ADAMTS19: variants seen among roughly 807,000 people sequenced by gnomAD.
The protein encoded by ADAMTS19 is A disintegrin and metalloproteinase with thrombospondin motifs 19.
In ADAMTS19, 93 loss-of-function variants were observed where a neutral mutation model predicts 153.3. That is an observed-to-expected ratio of 0.61 (90% confidence interval 0.51 to 0.72). The LOEUF (loss-of-function observed/expected upper bound fraction) is 0.72, where lower values mean the gene tolerates loss of function less well. Among genes scored for constraint, ADAMTS19 ranks in the 30% least tolerant of loss-of-function variants. The pLI, the probability that ADAMTS19 is intolerant of heterozygous loss-of-function variation, is 0.00. For missense variants in ADAMTS19, 1,482 were observed against 1,552.1 expected, an observed-to-expected ratio of 0.95 and a Z score of 0.76; for synonymous variants, 600 against 556.6, an observed-to-expected ratio of 1.08 and a Z score of -1.10.
intron 2 of ADAMTS19, among the ~76,000 whole-genome samples, chr5:129,488,279 T>C (rs950221180): frequency 6.6e-5 from 10 of 152,096 alleles, no homozygotes; most frequent in Non-Finnish European, 8.8e-5. Context: ...ACATATGTCA[T>C]TTCATTTCAC....
At chr5:129,719,089 C>T (rs970531647) in intron 21 of ADAMTS19, among the ~76,000 whole-genome samples, 59 of 151,208 alleles carry the variant, frequency 3.9e-4, no homozygotes, top group African/African-American at 1.3e-3. Flanking sequence ...GTTTTTTTTT[C>T]CTTTAAGAAT....
chr5:129,513,190 A>C (rs1751494473), intron 3 of ADAMTS19, among the ~76,000 whole-genome samples: 1 of 150,358 alleles, frequency 6.7e-6, no homozygotes, highest in Non-Finnish European at 1.5e-5. Context: ...CAACCAAAAC[A>C]CAAGTAACAA....
chr5:129,588,730 G>T (rs544412410), intron 7 of ADAMTS19, among the ~76,000 whole-genome samples: 1 of 151,522 alleles, frequency 6.6e-6, no homozygotes, highest in Non-Finnish European at 1.5e-5. Context: ...CTCTTTGGGG[G>T]TTATTTTATT....
chr5:129,662,187 T>C (rs1251694345), intron 15 of ADAMTS19, among the ~76,000 whole-genome samples: 2 of 152,254 alleles, frequency 1.3e-5, no homozygotes, highest in East Asian at 1.9e-4. Context: ...TACTTCGCTG[T>C]TGCCATGAAG....
intron 7 of ADAMTS19, among the ~76,000 whole-genome samples, chr5:129,565,701 G>A (rs1753680902): frequency 6.6e-6 from 1 of 151,942 alleles, no homozygotes; most frequent in South Asian, 2.1e-4. Flanking sequence ...CTTTTATACT[G>A]AGCCAACATT....
intron 7 of ADAMTS19, among the ~76,000 whole-genome samples, chr5:129,554,866 C>G (rs981560092): frequency 6.6e-6 from 1 of 152,056 alleles, no homozygotes; most frequent in African/African-American, 2.4e-5. Flanking sequence ...TGCTCTGTGA[C>G]TTGTTAAAAA....
chr5:129,464,646 A>C (rs903541104), intron 2 of ADAMTS19, among the ~76,000 whole-genome samples: 2 of 152,176 alleles, frequency 1.3e-5, no homozygotes, highest in African/African-American at 4.8e-5. Context: ...TCCAGGTACT[A>C]CTCTAACTTG....
At chr5:129,671,678 G>T (rs906135656) in intron 16 of ADAMTS19, among the ~76,000 whole-genome samples, 3 of 151,514 alleles carry the variant, frequency 2.0e-5, no homozygotes, top group African/African-American at 2.4e-5. Flanking sequence ...TCTTTAAACT[G>T]TATTCTTAAT....
At chr5:129,546,711 T>C (rs1311426177) in intron 6 of ADAMTS19, among the ~76,000 whole-genome samples, 1 of 151,166 alleles carries the variant, frequency 6.6e-6, no homozygotes, top group Non-Finnish European at 1.5e-5. Context: ...CATTCATAGA[T>C]AGATCCTCAT....
chr5:129,714,418 T>TC (rs1266702245), intron 21 of ADAMTS19, among the ~76,000 whole-genome samples: 2 of 95,444 alleles, frequency 2.1e-5, no homozygotes, highest in Non-Finnish European at 3.9e-5. Context: ...AGAGCGAGAC[T>TC]CCGTCTCAAA....
chr5:129,472,827 A>G (rs1443789131), intron 2 of ADAMTS19, among the ~76,000 whole-genome samples: 1 of 150,348 alleles, frequency 6.7e-6, no homozygotes. Context: ...ACATTATATT[A>G]TTATATTTGT....
At chr5:129,638,561 T>TCA (rs1290834679) in intron 10 of ADAMTS19, among the ~76,000 whole-genome samples, 13 of 118,916 alleles carry the variant, frequency 1.1e-4, no homozygotes, top group African/African-American at 3.5e-4. Flanking sequence ...ACTCTCTGTC[T>TCA]CACACACACA....
chr5:129,717,341 G>A (rs917380610), intron 21 of ADAMTS19, among the ~76,000 whole-genome samples: 13 of 152,026 alleles, frequency 8.6e-5, no homozygotes, highest in African/African-American at 3.1e-4. Flanking sequence ...TACACAGTAA[G>A]TGTATATATT....
chr5:129,695,938 T>C (rs1222910773), intron 19 of ADAMTS19, among the ~76,000 whole-genome samples: 2 of 152,190 alleles, frequency 1.3e-5, no homozygotes, highest in African/African-American at 4.8e-5. Flanking sequence ...TGTCATTTTA[T>C]AGCAGTTTAT....
chr5:129,703,129 C>T (rs1377596232), intron 20 of ADAMTS19, among the ~76,000 whole-genome samples: 3 of 150,282 alleles, frequency 2.0e-5, no homozygotes, highest in African/African-American at 7.4e-5. Flanking sequence ...CTTAAGCTTT[C>T]AGGATATCTG....
chr5:129,590,930 A>T (rs995477873), intron 7 of ADAMTS19, among the ~76,000 whole-genome samples: 1 of 152,172 alleles, frequency 6.6e-6, no homozygotes, highest in Non-Finnish European at 1.5e-5. Context: ...AGACAATTTC[A>T]CCTGTGCAGT....
At chr5:129,703,394 T>G (rs1378486340) in intron 20 of ADAMTS19, among the ~76,000 whole-genome samples, 3 of 152,104 alleles carry the variant, frequency 2.0e-5, no homozygotes, top group Non-Finnish European at 1.5e-5. Flanking sequence ...ATTCCAAAAA[T>G]TATTTAGAAT....
chr5:129,724,766 A>G (rs1757137392), intron 21 of ADAMTS19, among the ~76,000 whole-genome samples: 1 of 152,174 alleles, frequency 6.6e-6, no homozygotes, highest in African/African-American at 2.4e-5. Context: ...TCTAATTTAC[A>G]TAGGGCATGA....
intron 2 of ADAMTS19, among the ~76,000 whole-genome samples, chr5:129,467,718 G>A (rs1192506749): frequency 1.3e-5 from 2 of 152,084 alleles, no homozygotes; most frequent in Admixed American, 6.6e-5. Context: ...TCAAATCTGA[G>A]GCCAAAGTAA....
Sources: allele counts gnomAD v4.1 joint callset (sites outside exome capture counted in the v4.1 genomes callset), GRCh38; gene constraint gnomAD v4.1.1; transcripts MANE v1.5; gene names NCBI Gene and HGNC (gene_info 2026-07-23, HGNC 2026-07-21).